The following STAU2 variants were observed in gnomAD, a reference collection of about 807,000 sequenced individuals.
STAU2 encodes staufen double-stranded RNA binding protein 2.
STAU2 carries 20 observed loss-of-function variants against 65.9 expected under a neutral mutation model. That is an observed-to-expected ratio of 0.30 (90% CI 0.21 to 0.44). STAU2 has a LOEUF of 0.44. Among genes scored for constraint, STAU2 ranks in the 20% least tolerant of loss-of-function variants. The pLI is 1.00. For synonymous variants in STAU2, 232 were observed against 233.9 expected, an observed-to-expected ratio of 0.99 and a Z score of 0.07; for missense variants, 558 against 683.9, an observed-to-expected ratio of 0.82 and a Z score of 2.05.
At chr8:73,652,207 T>C (rs1237619095) in intron 6 of STAU2, 1 of 152,172 alleles carries the variant, frequency 6.6e-6, no homozygotes, top group Non-Finnish European at 1.5e-5. Context: ...AATAAAATTA[T>C]CAAACTCAGG....
At chr8:73,485,208 T>C (rs1820852815) in intron 13 of STAU2, among the ~76,000 whole-genome samples, 1 of 142,342 alleles carries the variant, frequency 7.0e-6, no homozygotes. Context: ...GCTGGAGTGA[T>C]AGTGGCACAC....
rs564610535 is a variant in STAU2 at position 73,642,357 on chromosome 8, T to C, written c.411-24906A>G. On this transcript the variant is annotated intron_variant, in intron 6 of 14. Coordinates refer to ENST00000524300, the MANE Select transcript of STAU2 (RefSeq NM_001164380.2). ...GGCCAACATGGTGAAACCCCATCTC[T>C]ACTAAAAATACAAAAATTAGCTGGG... 3.9e-5 allele frequency among the ~76,000 whole-genome samples: 6 copies of C among 152,186 alleles called. No homozygotes were observed. In the East Asian group the frequency reaches 1.2e-3, roughly 29 times the overall value.
intron 13 of STAU2, among the ~76,000 whole-genome samples, chr8:73,481,539 G>A (rs76298042): frequency 7.3e-6 from 1 of 136,872 alleles, no homozygotes; most frequent in African/African-American, 2.8e-5. Flanking sequence ...CACTTTTTTT[G>A]AGTGAACCAA....
At chr8:73,637,887 A>G (rs894147738) in intron 6 of STAU2, among the ~76,000 whole-genome samples, 1 of 152,214 alleles carries the variant, frequency 6.6e-6, no homozygotes, top group Non-Finnish European at 1.5e-5. Context: ...TGACATCTAT[A>G]TATGGGGTGG....
chr8:73,486,835 T>C (rs1207014151), intron 13 of STAU2, among the ~76,000 whole-genome samples: 2 of 151,634 alleles, frequency 1.3e-5, no homozygotes, highest in East Asian at 2.0e-4. Context: ...TTATTTTTTG[T>C]AGAGACAGAG....
intron 10 of STAU2, among the ~76,000 whole-genome samples, chr8:73,597,135 G>C (rs1393818544): frequency 6.6e-6 from 1 of 151,732 alleles, no homozygotes; most frequent in East Asian, 1.9e-4. Context: ...AAGCAAAAAG[G>C]AAATACAAAA....
chr8:73,686,338 C>A (rs1818814091), intron 5 of STAU2, among the ~76,000 whole-genome samples: 1 of 152,110 alleles, frequency 6.6e-6, no homozygotes, highest in Non-Finnish European at 1.5e-5. Flanking sequence ...ATCATGAGGT[C>A]AGGAGATCGA....
chr8:73,651,585 C>T (rs772132473), intron 6 of STAU2: 2 of 780,274 alleles, frequency 2.6e-6, no homozygotes, highest in Non-Finnish European at 4.3e-6. Flanking sequence ...CTGCCTGGGC[C>T]CCAGACTCTG....
chr8:73,747,363 T>G, upstream of STAU2: 1 of 1,535,244 alleles, frequency 6.5e-7, no homozygotes. Context: ...GTCCGCACCC[T>G]GTGCTCTGAT....
At position 73,688,655 on chromosome 8, in the gene STAU2, T is replaced by C; in HGVS notation, c.273A>G (p.Pro91=). ...KPPKSNVNNN[P]GSITPTVELN... ...TAACAGAAGGAGTCACTGCCATACC[T>C]GGGTTATTGTTAACATTACTTTTGG... The change falls in exon 5 of 15, where the codon CCA becomes CCG. Residue 91 remains proline, a splice_region_variant and synonymous_variant. Coordinates refer to ENST00000524300, the MANE Select transcript of STAU2 (RefSeq NM_001164380.2). The C allele has an allele frequency of 6.2e-7, 1 of 1,614,034 alleles. No homozygotes were observed. Among genetic ancestry groups the C allele is most frequent in the Non-Finnish European group, 8.5e-7 (1 of 1,179,988 alleles).
chr8:73,684,144 T>A (rs1314012887), intron 5 of STAU2, among the ~76,000 whole-genome samples: 1 of 152,050 alleles, frequency 6.6e-6, no homozygotes, highest in Non-Finnish European at 1.5e-5. Flanking sequence ...AGAGCCCACA[T>A]AACTAAAGCA....
chr8:73,730,933 A>G (rs1482040445), intron 3 of STAU2, among the ~76,000 whole-genome samples: 1 of 152,116 alleles, frequency 6.6e-6, no homozygotes, highest in Non-Finnish European at 1.5e-5. Context: ...TAAATTTTAC[A>G]TTGTTGGGTT....
intron 3 of STAU2, among the ~76,000 whole-genome samples, chr8:73,731,508 G>C (rs1410088087): frequency 1.3e-5 from 2 of 152,076 alleles, no homozygotes; most frequent in African/African-American, 4.8e-5. Context: ...TATTCTCTCA[G>C]GGATCACAGT....
chr8:73,652,116 G>C (rs766075432), intron 6 of STAU2: 4 of 152,066 alleles, frequency 2.6e-5, no homozygotes, highest in Non-Finnish European at 4.4e-5. Context: ...TTTCCAGTTG[G>C]AAAAAGTAAA....
chr8:73,463,010 C>T (rs757343073), intron 13 of STAU2, among the ~76,000 whole-genome samples: 3 of 152,206 alleles, frequency 2.0e-5, no homozygotes, highest in Non-Finnish European at 2.9e-5. Flanking sequence ...CTTCTTCTTC[C>T]TTCCAGGATG....
intron 6 of STAU2, chr8:73,670,446 C>A (rs569068680): frequency 2.0e-5 from 3 of 151,798 alleles, no homozygotes; most frequent in Non-Finnish European, 4.4e-5. Flanking sequence ...CACACGACCA[C>A]AAAGAAAAGA....
At chr8:73,736,381 GA>G (rs1285925282) in intron 3 of STAU2, among the ~76,000 whole-genome samples, 2 of 152,182 alleles carry the variant, frequency 1.3e-5, no homozygotes, top group Non-Finnish European at 2.9e-5. Context: ...GAGTAAACAA[GA>G]AAAGTCACTG....
chr8:73,642,219 C>T (rs1204424083), intron 6 of STAU2, among the ~76,000 whole-genome samples: 1 of 152,100 alleles, frequency 6.6e-6, no homozygotes, highest in Non-Finnish European at 1.5e-5. Context: ...GGTCAGGTCT[C>T]CCCCACTCAA....
intron 13 of STAU2, among the ~76,000 whole-genome samples, chr8:73,471,379 C>T (rs1473342781): frequency 2.7e-5 from 4 of 150,694 alleles, no homozygotes; most frequent in South Asian, 2.1e-4. Context: ...GTAAAGATGG[C>T]GTTTTACTAT....
Sources: gnomAD v4.1 joint callset for allele counts (sites outside exome capture counted in the v4.1 genomes callset) on GRCh38, gnomAD v4.1.1 for gene constraint, MANE v1.5 for transcripts, NCBI Gene and HGNC (gene_info 2026-07-23, HGNC 2026-07-21) for gene names.